The following GADD45B variants were observed in gnomAD, a reference collection of about 807,000 sequenced individuals.
GADD45B encodes growth arrest and DNA damage-inducible protein GADD45 beta.
A neutral mutation model predicts 15.2 loss-of-function variants in GADD45B; 8 were observed. That is an observed-to-expected ratio of 0.53 (90% CI 0.31 to 0.95). GADD45B has a LOEUF of 0.95. Among genes scored for constraint, GADD45B ranks in the 40% least tolerant of loss-of-function variants. GADD45B has a pLI of 0.05. For synonymous variants in GADD45B, 100 were observed against 89.8 expected, an observed-to-expected ratio of 1.11 and a Z score of -0.64; for missense variants, 162 against 216.6, an observed-to-expected ratio of 0.75 and a Z score of 1.58.
In GADD45B at chr19:2,477,666, A is replaced by T; in HGVS notation, c.*65A>T. The T allele has an allele frequency of 1.2e-6, 1 of 803,152 alleles. No homozygotes were observed. The highest frequency in any genetic ancestry group is 2.1e-6 in the Non-Finnish European group (1 of 487,312). 49.8% of individuals were successfully genotyped at this position (803,152 alleles called of 1,614,324 possible). ...AAACAAAAAATACAATAAATATTTG[A>T]ACCCCCTCCCCCCCAGCACAACCCC... On this transcript the variant is annotated 3_prime_UTR_variant, in exon 4 of 4. Coordinates refer to ENST00000215631, the MANE Select transcript of GADD45B (RefSeq NM_015675.4). The surrounding 1 kb of genome is among the most constrained non-coding windows in gnomAD (Gnocchi z 4.2).
chr19:2,477,443 C>G lies in GADD45B; in HGVS notation c.370-45C>G, dbSNP rs370716993. 14 of 1,367,276 alleles carry G rather than the reference C, an allele frequency of 1.0e-5. No individual in the cohort carries two copies. Among genetic ancestry groups the G allele is most frequent in the Non-Finnish European group, 1.2e-5 (12 of 965,914 alleles). 84.7% of individuals were successfully genotyped at this position (1,367,276 alleles called of 1,614,324 possible). A position where few individuals can be genotyped will look rare whatever the true frequency, so the allele number is the denominator to read the frequency against. On this transcript the variant is annotated intron_variant, in intron 3 of 3. Coordinates refer to ENST00000215631, the MANE Select transcript of GADD45B (RefSeq NM_015675.4). The surrounding 1 kb of genome is among the most constrained non-coding windows in gnomAD (Gnocchi z 4.2). ...GACTGTTTTCCCCACACAGGGGCCC[C>G]GGGAGAGGGAGGCTCCACTAAACCC...
rs1441156483 is a variant in GADD45B at position 2,476,224 on chromosome 19, AT to A, written c.-132del. 2 of 826,038 alleles carry A rather than the reference AT, an allele frequency of 2.4e-6. No homozygotes were observed. Among genetic ancestry groups the A allele is most frequent in the Non-Finnish European group, 4.1e-6 (2 of 483,138 alleles). The allele number at this position is 826,038 out of a possible 1,614,324, so 51.2% of individuals were successfully genotyped here. A position where few individuals can be genotyped will look rare whatever the true frequency, so the allele number is the denominator to read the frequency against. ...ATATTTTTCCGCCTTTTCTGGAAGG[AT>A]TTCGCTGCTTCCCGAAGGTCTTGGA... is the stretch of plus-strand genomic sequence containing the variant. On this transcript the variant is annotated 5_prime_UTR_variant, in exon 1 of 4. Coordinates refer to ENST00000215631, the MANE Select transcript of GADD45B (RefSeq NM_015675.4).
At chr19:2,476,846 C>T (rs759168082) in intron 2 of GADD45B, 183 bp from the exon 3 acceptor site, 8 of 611,580 alleles carry the variant, frequency 1.3e-5, no homozygotes, top group Non-Finnish European at 5.8e-6. Flanking sequence ...CTGTCTCCCC[C>T]TACCCCATAC....
At position 2,477,277 on chromosome 19, in the gene GADD45B, G is replaced by A. The variant is rs377766778; in HGVS notation, c.369+26G>A. The A allele has an allele frequency of 3.1e-5, 45 of 1,451,994 alleles. No individual in the cohort carries two copies. In the African/African-American group the frequency reaches 5.6e-4, roughly 18 times the overall value. The allele number at this position is 1,451,994 out of a possible 1,614,324, so 89.9% of individuals were successfully genotyped here. ...GTGAGTCGGGCCTCTGCCCTGCCCC[G>A]CCACGCCCGGGCACCTGGGCCGGTG... On this transcript the variant is annotated intron_variant, in intron 3 of 3. Transcript: ENST00000215631. This position sits in a 1 kb window ranked among gnomAD's most constrained non-coding sequence, Gnocchi z 4.2.
In GADD45B at chr19:2,478,113, A is replaced by G. The variant is rs2144696493; in HGVS notation, c.*512A>G. 1 of 152,778 alleles carries G rather than the reference A, an allele frequency of 6.5e-6. No homozygotes were observed. Among genetic ancestry groups the G allele is most frequent in the African/African-American group, 2.4e-5 (1 of 41,576 alleles). 9.5% of individuals were successfully genotyped at this position (152,778 alleles called of 1,614,324 possible). The stretch of plus-strand genomic sequence containing the variant: ...CTGGGGCTGAAGTTGCTCTGTACCC[A>G]TGAACTCCCAGTTTGCGAATTATAG... On this transcript the variant is annotated 3_prime_UTR_variant, in exon 4 of 4. Coordinates refer to ENST00000215631, the MANE Select transcript of GADD45B (RefSeq NM_015675.4).
At position 2,476,524 on chromosome 19, in the gene GADD45B, C is replaced by T. The variant is rs1347195282; in HGVS notation, c.45-5C>T. 3 of 1,606,552 alleles carry T rather than the reference C, an allele frequency of 1.9e-6. No individual in the cohort carries two copies. Among genetic ancestry groups the T allele is most frequent in the African/African-American group, 1.3e-5 (1 of 74,868 alleles). On this transcript the variant is annotated splice_region_variant and splice_polypyrimidine_tract_variant and intron_variant, in intron 1 of 3. Coordinates refer to ENST00000215631, the MANE Select transcript of GADD45B (RefSeq NM_015675.4). ...CCGTCACTGATCCCTCTTTCCTGGT[C>T]TCAGGATGCAGACGGTGACCGCCGC... is the stretch of plus-strand genomic sequence containing the variant.
rs146720529 is a variant in GADD45B at position 2,477,987 on chromosome 19, C to G, written c.*386C>G. 6 of 167,218 alleles carry G rather than the reference C, an allele frequency of 3.6e-5. No homozygotes were observed. The highest frequency in any genetic ancestry group is 9.5e-5 in the African/African-American group (4 of 41,918). 10.4% of individuals were successfully genotyped at this position (167,218 alleles called of 1,614,324 possible). A position where few individuals can be genotyped will look rare whatever the true frequency, so the allele number is the denominator to read the frequency against. On this transcript the variant is annotated 3_prime_UTR_variant, in exon 4 of 4. Coordinates refer to ENST00000215631, the MANE Select transcript of GADD45B (RefSeq NM_015675.4). This position sits in a 1 kb window ranked among gnomAD's most constrained non-coding sequence, Gnocchi z 4.2. ...AGTGAGACTGACTGCAAGCCCCACC[C>G]TCCTTGAGACTGGAGCTGGCGTCTG...
At chr19:2,476,801 A>G (rs1330656352) in intron 2 of GADD45B, 171 bp downstream of exon 2, 14 of 612,122 alleles carry the variant, frequency 2.3e-5, no homozygotes, top group Non-Finnish European at 3.7e-5. Flanking sequence ...CCGTATCCTG[A>G]TGTATCGTCT....
intron 2 of GADD45B, 63 bp from the exon 3 acceptor site, chr19:2,476,966 C>G: frequency 9.2e-7 from 1 of 1,089,284 alleles, no homozygotes; most frequent in South Asian, 1.3e-5. Context: ...TTGCAAACTC[C>G]CCCTGCACGG....
chr19:2,476,769 C>A, intron 2 of GADD45B, 139 bp downstream of exon 2: 1 of 635,032 alleles, frequency 1.6e-6, no homozygotes, highest in Non-Finnish European at 2.7e-6. Flanking sequence ...AGCTTCTCTG[C>A]CGTTTTGTGG....
chr19:2,477,043 T>C lies in GADD45B; in HGVS notation c.161T>C (p.Val54Ala), dbSNP rs549030277. ...AKLMNVDPDS[V>A]VLCLLAIDEE... ...GGCCCCCTCAGGGACCCAGACAGCG[T>C]GGTCCTCTGCCTCTTGGCCATTGAC... is the stretch of plus-strand genomic sequence containing the variant. Residue 54 changes from valine to alanine, a missense_variant, in exon 3 of 4, where the codon GTG (valine) becomes GCG (alanine). Transcript: ENST00000215631. The surrounding 1 kb of genome is among the most constrained non-coding windows in gnomAD (Gnocchi z 4.2). 6.2e-7 allele frequency: 1 copy of C among 1,612,800 alleles called. No homozygotes were observed. Among genetic ancestry groups the C allele is most frequent in the African/African-American group, 1.3e-5 (1 of 75,006 alleles).
At position 2,477,625 on chromosome 19, in the gene GADD45B, G is replaced by GT; in HGVS notation, c.*26dup. Reference sequence around the variant, plus strand: ...GAGGCCCTTCCCAGCAGCAGAATCTGTTGAGTTGCTGCCACAAACAAAAAA... The same window carrying GT: ...GAGGCCCTTCCCAGCAGCAGAATCTGTTTGAGTTGCTGCCACAAACAAAAAA... On this transcript the variant is annotated 3_prime_UTR_variant, in exon 4 of 4. Coordinates refer to ENST00000215631, the MANE Select transcript of GADD45B (RefSeq NM_015675.4). The surrounding 1 kb of genome is among the most constrained non-coding windows in gnomAD (Gnocchi z 4.2). 1 of 1,288,034 alleles carries GT rather than the reference G, an allele frequency of 7.8e-7. No individual in the cohort carries two copies. The highest frequency in any genetic ancestry group is 1.1e-6 in the Non-Finnish European group (1 of 885,486). The allele number at this position is 1,288,034 out of a possible 1,614,324, so 79.8% of individuals were successfully genotyped here. A position where few individuals can be genotyped will look rare whatever the true frequency, so the allele number is the denominator to read the frequency against.
Position 2,477,214 on chromosome 19 carries a change from C to T in GADD45B, c.332C>T (p.Thr111Ile), listed in dbSNP as rs2144695622. Residue 111 changes from threonine to isoleucine, a missense_variant, in exon 3 of 4, where the codon ACC (threonine) becomes ATC (isoleucine). Transcript: ENST00000215631. The surrounding 1 kb of genome is among the most constrained non-coding windows in gnomAD (Gnocchi z 4.2). ...LLGEPAETQG[T>I]TEARDLHCLL... ...GGAGAGCCGGCCGAGACCCAGGGCA[C>T]CACCGAGGCCCGAGACCTGCATTGT... 3 of 1,601,944 alleles carry T rather than the reference C, an allele frequency of 1.9e-6. No individual in the cohort carries two copies. The highest frequency in any genetic ancestry group is 2.5e-6 in the Non-Finnish European group (3 of 1,177,266).
Position 2,477,147 on chromosome 19 carries a change from A to G in GADD45B, c.265A>G (p.Ile89Val). 4 of 1,613,608 alleles carry G rather than the reference A, an allele frequency of 2.5e-6. No individual in the cohort carries two copies. Among genetic ancestry groups the G allele is most frequent in the South Asian group, 1.1e-5 (1 of 91,076 alleles). Residue 89 changes from isoleucine to valine, a missense_variant, in exon 3 of 4, where the codon ATC becomes GTC. Ile to Val is a conservative substitution (Grantham distance 29, BLOSUM62 3). Coordinates refer to ENST00000215631, the MANE Select transcript of GADD45B (RefSeq NM_015675.4). This position sits in a 1 kb window ranked among gnomAD's most constrained non-coding sequence, Gnocchi z 4.2. Reference protein sequence around the residue: ...QSFCCDNDINIVRVSGMQRLA... With the variant: ...QSFCCDNDINVVRVSGMQRLA... ...CTTCTGCTGTGACAACGACATCAAC[A>G]TCGTGCGGGTGTCGGGCATGCAGCG...
Position 2,477,251 on chromosome 19 carries a change from G to C in GADD45B, c.369G>C (p.Thr123=), listed in dbSNP as rs776634872. Reference sequence around the variant, plus strand: ...GAGACCTGCATTGTCTCCTGGTCACGGTGAGTCGGGCCTCTGCCCTGCCCC... The same window carrying C: ...GAGACCTGCATTGTCTCCTGGTCACCGTGAGTCGGGCCTCTGCCCTGCCCC... ...EARDLHCLLV[T]NPHTDAWKSH... is the part of the protein sequence containing the mutation. Residue 123 remains threonine, a splice_region_variant and synonymous_variant, in exon 3 of 4, where the codon ACG becomes ACC. Coordinates refer to ENST00000215631, the MANE Select transcript of GADD45B (RefSeq NM_015675.4). This position sits in a 1 kb window ranked among gnomAD's most constrained non-coding sequence, Gnocchi z 4.2. 66 of 1,553,674 alleles carry C rather than the reference G, an allele frequency of 4.2e-5. No homozygotes were observed. Among genetic ancestry groups the C allele is most frequent in the Non-Finnish European group, 5.4e-5 (62 of 1,152,182 alleles).
In GADD45B at chr19:2,476,601, G is replaced by A. The variant is rs756751009; in HGVS notation, c.117G>A (p.Gly39=). The A allele has an allele frequency of 8.2e-6, 13 of 1,589,402 alleles. No homozygotes were observed. In the East Asian group the frequency reaches 2.5e-4, roughly 30 times the overall value. The change falls in exon 2 of 4, where the codon GGG becomes GGA. Residue 39 remains glycine, a synonymous_variant. Transcript: ENST00000215631. ...AGCGCCAGGATCGCCTCACAGTGGGGGTGTACGAGTCGGCCAAGTTGATGA... is the reference window on the plus strand; with the variant it reads ...AGCGCCAGGATCGCCTCACAGTGGGAGTGTACGAGTCGGCCAAGTTGATGA... ...AAQRQDRLTV[G]VYESAKLMNV...
At position 2,477,744 on chromosome 19, in the gene GADD45B, GA is replaced by G. The variant is rs1456153819; in HGVS notation, c.*145del. ...ATCGGGGGCAGAGTCGTTGGAGACTGAAGAGGAAGAGGAGGAGGAGAAGGGG... is the reference window on the plus strand; with the variant it reads ...ATCGGGGGCAGAGTCGTTGGAGACTGAGAGGAAGAGGAGGAGGAGAAGGGG... On this transcript the variant is annotated 3_prime_UTR_variant, in exon 4 of 4. Coordinates refer to ENST00000215631, the MANE Select transcript of GADD45B (RefSeq NM_015675.4). The surrounding 1 kb of genome is among the most constrained non-coding windows in gnomAD (Gnocchi z 4.2). 27 of 521,414 alleles carry G rather than the reference GA, an allele frequency of 5.2e-5. No homozygotes were observed. Among genetic ancestry groups the G allele is most frequent in the Non-Finnish European group, 1.7e-5 (5 of 289,136 alleles). 32.3% of individuals were successfully genotyped at this position (521,414 alleles called of 1,614,324 possible). A position where few individuals can be genotyped will look rare whatever the true frequency, so the allele number is the denominator to read the frequency against.
chr19:2,476,928 T>C (rs1207089665), intron 2 of GADD45B, 101 bp from the exon 3 acceptor site: 1 of 730,836 alleles, frequency 1.4e-6, no homozygotes, highest in East Asian at 2.7e-5. Flanking sequence ...CCCTTGCAGT[T>C]TCTCTTTTGC....
chr19:2,476,990 GT>G, intron 2 of GADD45B, 38 bp from the exon 3 acceptor site: 1 of 1,419,390 alleles, frequency 7.0e-7, no homozygotes, highest in South Asian at 1.1e-5. Context: ...CCCCTCCCCT[GT>G]CCCCGGCTGA....
Sources: allele counts gnomAD v4.1 joint callset, GRCh38; gene constraint gnomAD v4.1.1; non-coding constraint Gnocchi (gnomAD v3.1); transcripts MANE v1.5; gene names NCBI Gene and HGNC (gene_info 2026-07-23, HGNC 2026-07-21).